TCOF1: variants seen among roughly 807,000 people sequenced by gnomAD.
TCOF1 encodes treacle ribosome biogenesis factor 1.
TCOF1 carries 33 observed loss-of-function variants against 149.0 expected under a neutral mutation model. That is an observed-to-expected ratio of 0.22 (90% CI 0.17 to 0.30). TCOF1 has a LOEUF of 0.30. Among genes scored for constraint, TCOF1 ranks in the 10% least tolerant of loss-of-function variants. TCOF1 has a pLI of 1.00. For missense variants in TCOF1, 1,728 were observed against 1,840.7 expected, an observed-to-expected ratio of 0.94 and a Z score of 1.12; for synonymous variants, 789 against 738.8, an observed-to-expected ratio of 1.07 and a Z score of -1.10.
rs570537135 is a variant in TCOF1, at chr5:150,375,356, A to G, written c.1506A>G (p.Lys502=). ...MNAAQVKPLG[K]SPQVKPASTM... ...TCTCCCAGGTGAAGCCCTTGGGGAA[A>G]AGCCCCCAGGTGAAACCTGCCTCTA... Residue 502 remains lysine (K), a synonymous_variant, in exon 11 of 27, where the codon AAA becomes AAG. Coordinates refer to ENST00000643257, the MANE Select transcript of TCOF1 (RefSeq NM_001371623.1). 3.5e-5 allele frequency: 57 copies of G among 1,611,482 alleles called. No homozygotes were observed. The South Asian group carries it at 5.8e-4, about 16-fold the overall frequency.
Position 150,374,272 on chromosome 5 carries a change from A to G in TCOF1, c.969A>G (p.Ala323=). The change falls in exon 8 of 27, where the codon GCA becomes GCG. Residue 323 remains alanine, a synonymous_variant. Transcript: ENST00000643257. ...KGATPAPPGK[A]GAVASQTKAG... ...CTACCCCAGCACCCCCTGGGAAGGC[A>G]GGGGCTGTAGCCTCCCAGACCAAGG... 7 of 1,601,562 alleles carry G rather than the reference A, an allele frequency of 4.4e-6. No homozygotes were observed. Among genetic ancestry groups the G allele is most frequent in the Non-Finnish European group, 5.1e-6 (6 of 1,173,632 alleles).
At chr5:150,392,197 G>T (rs879829601) in intron 21 of TCOF1, 21 bp downstream of exon 21, 1 of 1,611,168 alleles carries the variant, frequency 6.2e-7, no homozygotes, top group Non-Finnish European at 8.5e-7. Context: ...CAGGGGAAAG[G>T]CAAGGGTGGG....
intron 24 of TCOF1, among the ~76,000 whole-genome samples, chr5:150,397,754 G>T (rs1258934736): frequency 6.6e-6 from 1 of 152,186 alleles, no homozygotes; most frequent in African/African-American, 2.4e-5. Context: ...TTACAGTAGG[G>T]ATAGATAGTG....
intron 18 of TCOF1, 72 bp from the exon 19 acceptor site, chr5:150,389,815 G>A (rs1767038452): frequency 6.2e-7 from 1 of 1,612,188 alleles, no homozygotes; most frequent in Non-Finnish European, 8.5e-7. Flanking sequence ...CCGGTAAATT[G>A]GGTTATTGCC....
chr5:150,368,871 C>T lies in TCOF1; in HGVS notation c.534C>T (p.Ser178=), dbSNP rs141250614. 2.2e-4 allele frequency: 348 copies of T among 1,613,856 alleles called. 1 individual carries two copies. In the African/African-American group the frequency reaches 4.0e-3, roughly 19 times the overall value. ...TLVSETEEEG[S]VPAFGAAAKP... is the part of the protein sequence containing the mutation. ...TCTCAGAAACTGAGGAGGAGGGCAG[C>T]GTCCCGGCCTTTGGAGCTGCTGCCA... Residue 178 remains serine (S), a synonymous_variant, in exon 5 of 27, where the codon AGC becomes AGT. Coordinates refer to ENST00000643257, the MANE Select transcript of TCOF1 (RefSeq NM_001371623.1).
intron 17 of TCOF1, chr5:150,384,697 A>G: frequency 1.0e-6 from 1 of 985,474 alleles, no homozygotes; most frequent in African/African-American, 1.7e-5. Context: ...AGCAGAAAAG[A>G]AGTCAGCGGT....
intron 17 of TCOF1, chr5:150,384,024 C>T: frequency 2.2e-6 from 3 of 1,374,304 alleles, no homozygotes; most frequent in Non-Finnish European, 2.8e-6. Flanking sequence ...TGCCAGGCAC[C>T]TCAGAGCACC....
Position 150,375,437 on chromosome 5 carries a change from G to A in TCOF1, c.1587G>A (p.Val529=). 2 of 1,612,726 alleles carry A rather than the reference G, an allele frequency of 1.2e-6. No homozygotes were observed. Among genetic ancestry groups the A allele is most frequent in the Non-Finnish European group, 1.7e-6 (2 of 1,179,494 alleles). ...KGAGPVPPGK[V]GPATPSAQVG... is the part of the protein sequence containing the mutation. ...CCGGCCCAGTGCCACCCGGGAAGGTGGGGCCTGCAACCCCCTCAGCCCAGG... is the reference window on the plus strand; with the variant it reads ...CCGGCCCAGTGCCACCCGGGAAGGTAGGGCCTGCAACCCCCTCAGCCCAGG... Residue 529 remains valine (V), a synonymous_variant, in exon 11 of 27, where the codon GTG becomes GTA. Coordinates refer to ENST00000643257, the MANE Select transcript of TCOF1 (RefSeq NM_001371623.1).
At chr5:150,360,484 C>G (rs1759799959) in intron 1 of TCOF1, among the ~76,000 whole-genome samples, 1 of 152,168 alleles carries the variant, frequency 6.6e-6, no homozygotes. Context: ...GATTGGCTGG[C>G]CACGTCTTTG....
intron 17 of TCOF1, chr5:150,384,571 G>C (rs924772077): frequency 6.1e-6 from 6 of 985,358 alleles, no homozygotes; most frequent in African/African-American, 1.7e-5. Flanking sequence ...GGGAGGGAGG[G>C]GACCGCTCCC....
intron 22 of TCOF1, 28 bp from the exon 23 acceptor site, chr5:150,393,344 C>T: frequency 6.2e-7 from 1 of 1,613,534 alleles, no homozygotes; most frequent in Non-Finnish European, 8.5e-7. Context: ...GGGGTGGTGG[C>T]AGCCTCTTTC....
chr5:150,393,655 T>A, intron 23 of TCOF1, 103 bp downstream of exon 23: 1 of 1,482,800 alleles, frequency 6.7e-7, no homozygotes, highest in Non-Finnish European at 9.2e-7. Flanking sequence ...CATGGTCCTG[T>A]CTGCCCCCAG....
intron 17 of TCOF1, among the ~76,000 whole-genome samples, chr5:150,387,481 A>G (rs1484818716): frequency 6.6e-6 from 1 of 152,178 alleles, no homozygotes; most frequent in Admixed American, 6.5e-5. Flanking sequence ...AGCCTTGGAA[A>G]ACTGCTTAGA....
At chr5:150,383,087 G>A (rs1765564094) in intron 17 of TCOF1, 1 of 1,535,910 alleles carries the variant, frequency 6.5e-7, no homozygotes, top group Admixed American at 2.0e-5. Flanking sequence ...AAACCTGCCA[G>A]AAGCAAGACC....
In TCOF1 at chr5:150,392,187, CA is replaced by C. The variant is rs768447525; in HGVS notation, c.3517+12del. 1.4e-5 allele frequency: 23 copies of C among 1,612,526 alleles called. No homozygotes were observed. The highest frequency in any genetic ancestry group is 1.1e-4 in the East Asian group (5 of 44,876). ...CAGCCCACACGCTGGGTGAGGGTGC[CA>C]GGGGAAAGGCAAGGGTGGGCCAGGA... On this transcript the variant is annotated intron_variant, in intron 21 of 26. Transcript: ENST00000643257.
At chr5:150,383,082 T>C (rs777140862) in intron 17 of TCOF1, 25 of 1,535,836 alleles carry the variant, frequency 1.6e-5, no homozygotes, top group Non-Finnish European at 2.2e-5. Flanking sequence ...ACTCCAAACC[T>C]GCCAGAAGCA....
intron 17 of TCOF1, among the ~76,000 whole-genome samples, chr5:150,387,465 C>A (rs1209433344): frequency 3.3e-5 from 5 of 152,236 alleles, no homozygotes; most frequent in Non-Finnish European, 4.4e-5. Context: ...CATATTCCAA[C>A]CAGGCAGCCT....
chr5:150,385,774 C>T (rs1050849517), intron 17 of TCOF1, among the ~76,000 whole-genome samples: 5 of 152,116 alleles, frequency 3.3e-5, no homozygotes, highest in Admixed American at 6.5e-5. Flanking sequence ...GGAGGGGTAT[C>T]CCAGGGTTCC....
At position 150,396,575 on chromosome 5, in the gene TCOF1, C is replaced by T. The variant is rs745345915; in HGVS notation, c.4078C>T (p.Pro1360Ser). The change falls in exon 24 of 27, where the codon CCC becomes TCC. Residue 1360 changes from proline to serine, a missense_variant. Around this residue, in one of 2 missense-constraint regions of TCOF1, gnomAD observed 1,696 missense variants for 1,765.4 expected, o/e 0.96. Transcript: ENST00000643257. ...GGGAGACCAGCCAGCTGCCAGGACCCCCAGGAGCAAGAAGAAGAAGAAGCT... is the reference window on the plus strand; with the variant it reads ...GGGAGACCAGCCAGCTGCCAGGACCTCCAGGAGCAAGAAGAAGAAGAAGCT... ...LSGDQPAART[P>S]RSKKKKKLGA... 7 of 1,582,124 alleles carry T rather than the reference C, an allele frequency of 4.4e-6. No homozygotes were observed. Among genetic ancestry groups the T allele is most frequent in the Non-Finnish European group, 6.0e-6 (7 of 1,163,756 alleles).
Sources: allele counts gnomAD v4.1 joint callset (sites outside exome capture counted in the v4.1 genomes callset), GRCh38; gene constraint gnomAD v4.1.1; regional missense constraint gnomAD v4.1.1; transcripts MANE v1.5; gene names NCBI Gene and HGNC (gene_info 2026-07-23, HGNC 2026-07-21).